Variants in IRAG1 observed in about 807,000 individuals in gnomAD.
The protein encoded by IRAG1 is IP3R-associated cGMP kinase substrate.
IRAG1 carries 62 observed loss-of-function variants against 106.2 expected under a neutral mutation model. That is an observed-to-expected ratio of 0.58 (90% confidence interval 0.48 to 0.72). The LOEUF is 0.72. IRAG1 is among the 30% of genes least tolerant of loss of function. The pLI is 0.00. For missense variants in IRAG1, 1,064 were observed against 1,140.7 expected (o/e 0.93, Z 0.97); for synonymous variants, 462 against 443.9 (o/e 1.04, Z -0.51).
At chr11:10,637,215 C>G (rs375313608) in intron 2 of IRAG1, among the ~76,000 whole-genome samples, 55 of 152,304 alleles carry the variant, frequency 3.6e-4, no homozygotes, top group African/African-American at 1.3e-3. Flanking sequence ...TTCTGAGGAG[C>G]TCCCTGGTAA....
intron 20 of IRAG1, 98 bp downstream of exon 20, chr11:10,580,357 C>A: frequency 6.5e-7 from 1 of 1,541,258 alleles, no homozygotes; most frequent in East Asian, 2.2e-5. Flanking sequence ...TTCACTGCTG[C>A]CCTGGACTGG....
rs560976424 is a variant in IRAG1 at position 10,612,021 on chromosome 11, T to G, written c.1448-2170A>C. On this transcript the variant is annotated intron_variant, in intron 10 of 20. Transcript: ENST00000423302. ...ATTTTCTTGAATGATATGAAGGGAT[T>G]TACAAGGAAGGAAGACTAACGGTAA... 1.9e-4 allele frequency among the ~76,000 whole-genome samples: 29 copies of G among 152,240 alleles called. No homozygotes were observed. In the South Asian group the frequency reaches 5.8e-3, roughly 30 times the overall value.
chr11:10,603,525 C>T (rs532589852), intron 13 of IRAG1, among the ~76,000 whole-genome samples: 21 of 152,236 alleles, frequency 1.4e-4, no homozygotes, highest in African/African-American at 4.6e-4. Flanking sequence ...GGCGGCGGAG[C>T]TCAGGAGGTC....
chr11:10,586,980 A>G (rs917602417), intron 18 of IRAG1, among the ~76,000 whole-genome samples: 25 of 152,340 alleles, frequency 1.6e-4, no homozygotes, highest in African/African-American at 5.8e-4. Flanking sequence ...CTGAGAACCC[A>G]GTGTTTGGGT....
chr11:10,634,288 T>C (rs1178095690), intron 2 of IRAG1, among the ~76,000 whole-genome samples: 6 of 152,210 alleles, frequency 3.9e-5, no homozygotes, highest in Non-Finnish European at 7.3e-5. Context: ...TTCATTACCT[T>C]GATACAATGT....
At chr11:10,671,989 C>T (rs932483206) in intron 1 of IRAG1, among the ~76,000 whole-genome samples, 1 of 152,158 alleles carries the variant, frequency 6.6e-6, no homozygotes, top group Non-Finnish European at 1.5e-5. Context: ...ATACTATACA[C>T]TATACAAGAA....
At chr11:10,624,689 C>T (rs1856100002) in intron 9 of IRAG1, among the ~76,000 whole-genome samples, 1 of 152,084 alleles carries the variant, frequency 6.6e-6, no homozygotes, top group Non-Finnish European at 1.5e-5. Flanking sequence ...GGACCCTTTA[C>T]CCATTTGGTT....
rs907776412 is a variant in IRAG1, at chr11:10,659,794, C to T, written c.68-7612G>A. Among the ~76,000 whole-genome samples the T allele has an allele frequency of 1.3e-4, 20 of 151,976 alleles. 1 individual carries two copies. The highest frequency in any genetic ancestry group is 6.6e-5 in the Admixed American group (1 of 15,262). On this transcript the variant is annotated intron_variant, in intron 1 of 20. Coordinates refer to ENST00000423302, the MANE Select transcript of IRAG1 (RefSeq NM_130385.4). The surrounding 1 kb of genome is among the most constrained non-coding windows in gnomAD (Gnocchi z 4.1). ...TCAATCGGAGGCAGTTCAAAGGCACCGAGAATAGCAGCAAAGTATCTGAGC... is the reference window on the plus strand; with the variant it reads ...TCAATCGGAGGCAGTTCAAAGGCACTGAGAATAGCAGCAAAGTATCTGAGC...
intron 1 of IRAG1, among the ~76,000 whole-genome samples, chr11:10,662,930 G>A (rs938982993): frequency 4.6e-5 from 7 of 152,220 alleles, no homozygotes; most frequent in Non-Finnish European, 1.0e-4. Flanking sequence ...TGATGGGATC[G>A]CACTAGGCCT....
At chr11:10,621,357 A>AC (rs1230108488) in intron 10 of IRAG1, among the ~76,000 whole-genome samples, 1 of 152,186 alleles carries the variant, frequency 6.6e-6, no homozygotes, top group Non-Finnish European at 1.5e-5. Flanking sequence ...TTCACCCAAG[A>AC]ATCCATAGGG....
chr11:10,575,610 T>TA lies in IRAG1; in HGVS notation c.*721_*722insT, dbSNP rs1850774783. On this transcript the variant is annotated 3_prime_UTR_variant, in exon 21 of 21. Coordinates refer to ENST00000423302, the MANE Select transcript of IRAG1 (RefSeq NM_130385.4). The stretch of plus-strand genomic sequence containing the variant: ...CCAGAGGTACACACCCAGAGCACAC[T>TA]TTTGAAGGGTTGTTGGCTCTGTGCA... 6.6e-6 allele frequency: 1 copy of TA among 152,274 alleles called. No individual in the cohort carries two copies. Among genetic ancestry groups the TA allele is most frequent in the Non-Finnish European group, 1.5e-5 (1 of 68,104 alleles). 9.4% of individuals were successfully genotyped at this position (152,274 alleles called of 1,614,324 possible).
intron 1 of IRAG1, among the ~76,000 whole-genome samples, chr11:10,666,730 A>G (rs909193270): frequency 2.0e-5 from 3 of 152,254 alleles, no homozygotes; most frequent in African/African-American, 7.2e-5. Flanking sequence ...GACTGAGTAA[A>G]GAGAGCTCTG....
intron 1 of IRAG1, among the ~76,000 whole-genome samples, chr11:10,653,640 T>C (rs1326994257): frequency 2.0e-5 from 3 of 152,244 alleles, no homozygotes; most frequent in African/African-American, 2.4e-5. Flanking sequence ...CCTTGGAAAG[T>C]AGGCTTCATC....
chr11:10,653,930 T>C (rs1858725265), intron 1 of IRAG1, among the ~76,000 whole-genome samples: 1 of 152,180 alleles, frequency 6.6e-6, no homozygotes, highest in African/African-American at 2.4e-5. Flanking sequence ...CTGAAGGAGC[T>C]GCTCCACTGC....
chr11:10,596,113 G>A (rs1428525880), intron 15 of IRAG1, among the ~76,000 whole-genome samples: 1 of 152,162 alleles, frequency 6.6e-6, no homozygotes. Context: ...GAGCATTTAG[G>A]TTGATTCCAT....
chr11:10,591,506 C>T (rs1265600015), intron 18 of IRAG1, 42 bp downstream of exon 18: 3 of 1,534,408 alleles, frequency 2.0e-6, no homozygotes, highest in Middle Eastern at 1.7e-4. Context: ...GGAAAATTTC[C>T]TGAGAGATCC....
At chr11:10,652,320 A>G (rs1191536310) in intron 1 of IRAG1, 138 bp from the exon 2 acceptor site, 4 of 1,455,790 alleles carry the variant, frequency 2.7e-6, no homozygotes, top group Non-Finnish European at 2.7e-6. Context: ...AGGCTAGGAG[A>G]GGGCATTTGG....
At chr11:10,650,360 G>C (rs1297276388) in intron 2 of IRAG1, among the ~76,000 whole-genome samples, 1 of 152,242 alleles carries the variant, frequency 6.6e-6, no homozygotes, top group Non-Finnish European at 1.5e-5. Flanking sequence ...TTCACTGACA[G>C]CAGGGGTGCA....
In IRAG1 at chr11:10,576,396, G is replaced by T. The variant is rs1048108893; in HGVS notation, c.2675C>A (p.Ser892Ter). The T allele has an allele frequency of 1.2e-6, 2 of 1,613,928 alleles. No individual in the cohort carries two copies. The highest frequency in any genetic ancestry group is 1.3e-5 in the African/African-American group (1 of 75,012). ...ADGPLGRSTC[S>*]AAQRDSWWSS... ...CCACCAGGAGTCCCTCTGGGCTGCC[G>T]AGCAAGTGGATCTTCCAAGGGGCCC... Residue 892 changes from serine (S) to a stop codon, truncating the protein, a stop_gained, in exon 21 of 21, where the codon TCG becomes TAG. Coordinates refer to ENST00000423302, the MANE Select transcript of IRAG1 (RefSeq NM_130385.4). LOFTEE classifies it high-confidence loss of function.
Sources: allele counts gnomAD v4.1 joint callset (sites outside exome capture counted in the v4.1 genomes callset), GRCh38; gene constraint gnomAD v4.1.1; non-coding constraint Gnocchi (gnomAD v3.1); transcripts MANE v1.5; gene names NCBI Gene and HGNC (gene_info 2026-07-23, HGNC 2026-07-21).